Variants in TENM2 observed in about 807,000 individuals in gnomAD.
TENM2 encodes teneurin-2.
A neutral mutation model predicts 245.2 loss-of-function variants in TENM2; 52 were observed. The observed-to-expected ratio is 0.21, with a 90% CI of 0.17 to 0.27. The LOEUF (loss-of-function observed/expected upper bound fraction) is 0.27, where lower values mean the gene tolerates loss of function less well. Ranked by LOEUF, TENM2 falls within the 10% of genes least tolerant of loss-of-function variation. The pLI, the probability that TENM2 is intolerant of heterozygous loss-of-function variation, is 1.00. For synonymous variants in TENM2, 1,363 were observed against 1,438.9 expected (o/e 0.95, Z 1.19); for missense variants, 3,046 against 3,666.8 (o/e 0.83, Z 4.37).
intron 1 of TENM2, among the ~76,000 whole-genome samples, chr5:167,321,781 G>GTTTTTTT (rs1554133753): frequency 7.7e-5 from 3 of 38,720 alleles, no homozygotes; most frequent in Non-Finnish European, 1.5e-4. Context: ...TGCTGCCTTG[G>GTTTTTTT]CTTATTTTTT....
At chr5:167,117,274 C>T in the TENM2 span, among the ~76,000 whole-genome samples, 21 of 152,258 alleles carry the variant, frequency 1.4e-4, no homozygotes, top group Middle Eastern at 0.017. Context: ...GAGGCCCAGG[C>T]GGGTGGATCA....
At chr5:167,523,876 T>C (rs1329713028) in intron 2 of TENM2, among the ~76,000 whole-genome samples, 1 of 152,164 alleles carries the variant, frequency 6.6e-6, no homozygotes, top group Non-Finnish European at 1.5e-5. Flanking sequence ...ATATTGCCTA[T>C]GTTTCTGTGC....
chr5:167,353,374 G>T (rs1180649093), intron 1 of TENM2, among the ~76,000 whole-genome samples: 4 of 151,660 alleles, frequency 2.6e-5, no homozygotes, highest in Non-Finnish European at 5.9e-5. Context: ...AAACCTGGTA[G>T]AAAGCAGACA....
At chr5:167,451,270 G>A (rs1023450825) in intron 2 of TENM2, among the ~76,000 whole-genome samples, 4 of 152,118 alleles carry the variant, frequency 2.6e-5, no homozygotes, top group Admixed American at 2.6e-4. Flanking sequence ...AGATTACTCA[G>A]AAGGAGCCTG....
the TENM2 span, among the ~76,000 whole-genome samples, chr5:167,185,933 C>G: frequency 6.6e-6 from 1 of 152,162 alleles, no homozygotes; most frequent in South Asian, 2.1e-4. Flanking sequence ...TCCCACCAAA[C>G]CACACTGACT....
chr5:167,495,725 A>C (rs1353697759), intron 2 of TENM2, among the ~76,000 whole-genome samples: 1 of 152,078 alleles, frequency 6.6e-6, no homozygotes, highest in Non-Finnish European at 1.5e-5. Context: ...GGTTAATTTT[A>C]ATTAGCGTTC....
intron 5 of TENM2, among the ~76,000 whole-genome samples, chr5:168,034,123 A>ATATATACATGTATACATATATATGTG (rs1787420644): frequency 1.4e-5 from 1 of 73,734 alleles, no homozygotes; most frequent in African/African-American, 5.9e-5. Flanking sequence ...ATATATGTGT[A>ATATATACATGTATACATATATATGTG]TATATATATA....
intron 2 of TENM2, among the ~76,000 whole-genome samples, chr5:167,509,241 T>C (rs1437457152): frequency 1.3e-5 from 2 of 152,238 alleles, no homozygotes; most frequent in African/African-American, 2.4e-5. Flanking sequence ...CTCCATTGAC[T>C]GTAGACTAAT....
chr5:167,949,500 T>C (rs75171016), intron 3 of TENM2, among the ~76,000 whole-genome samples: 1,540 of 152,218 alleles, frequency 0.01, 31 homozygotes, highest in African/African-American at 0.035. Context: ...AAAGAACCCA[T>C]CACTGTTCTC....
the TENM2 span, among the ~76,000 whole-genome samples, chr5:167,121,024 C>T: frequency 6.6e-6 from 1 of 151,864 alleles, no homozygotes; most frequent in Non-Finnish European, 1.5e-5. Context: ...CAAAATCAAA[C>T]AAACAAAACA....
chr5:167,872,308 AAGAAAG>A (rs1333772564), intron 2 of TENM2, among the ~76,000 whole-genome samples: 17 of 30,448 alleles, frequency 5.6e-4, no homozygotes, highest in African/African-American at 1.4e-3. Context: ...GAAAGAAAGA[AAGAAAG>A]AAAGAAAGAA....
intron 1 of TENM2, among the ~76,000 whole-genome samples, chr5:167,322,805 A>G (rs1190063131): frequency 6.6e-6 from 1 of 152,240 alleles, no homozygotes; most frequent in African/African-American, 2.4e-5. Context: ...CACTGACTTC[A>G]AAACTATAGT....
chr5:168,116,651 A>G (rs1795103831), intron 9 of TENM2, among the ~76,000 whole-genome samples: 1 of 152,226 alleles, frequency 6.6e-6, no homozygotes, highest in African/African-American at 2.4e-5. Flanking sequence ...ATCAACAATG[A>G]TAAACATAGT....
At chr5:167,924,699 G>A (rs906216599) in intron 3 of TENM2, among the ~76,000 whole-genome samples, 7 of 152,162 alleles carry the variant, frequency 4.6e-5, no homozygotes, top group African/African-American at 1.2e-4. Context: ...GAGATTGCAC[G>A]TCTTGTCTAA....
At chr5:168,093,691 C>T (rs1793138816) in intron 8 of TENM2, among the ~76,000 whole-genome samples, 1 of 152,200 alleles carries the variant, frequency 6.6e-6, no homozygotes, top group Non-Finnish European at 1.5e-5. Context: ...CCAGCCTCCA[C>T]TTGGATAAAA....
intron 2 of TENM2, among the ~76,000 whole-genome samples, chr5:167,669,775 G>T (rs185305800): frequency 5.3e-5 from 8 of 152,060 alleles, no homozygotes; most frequent in Non-Finnish European, 7.4e-5. Flanking sequence ...GGTTTAAAGT[G>T]TAGCTTTCTT....
At chr5:168,098,204 C>A in intron 9 of TENM2, 77 bp downstream of exon 11, 1 of 995,110 alleles carries the variant, frequency 1.0e-6, no homozygotes, top group South Asian at 1.4e-5. Context: ...ACAGAAGGGA[C>A]ATCCAAGTAG....
At position 167,513,767 on chromosome 5, in the gene TENM2, A is replaced by G. The variant is rs1770129708; in HGVS notation, c.502+138294A>G. On this transcript the variant is annotated intron_variant, in intron 2 of 28. Coordinates refer to ENST00000518659, the Ensembl canonical transcript of TENM2. Reference sequence around the variant, plus strand: ...CCTGTTTCTCAAAATACCTCACCCTAGACATCGAGGAGCCACTTCTATGGA... The same window carrying G: ...CCTGTTTCTCAAAATACCTCACCCTGGACATCGAGGAGCCACTTCTATGGA... 2.6e-5 allele frequency among the ~76,000 whole-genome samples: 4 copies of G among 152,176 alleles called. No homozygotes were observed. In the South Asian group the frequency reaches 8.3e-4, roughly 32 times the overall value.
intron 20 of TENM2, 129 bp downstream of exon 22, chr5:168,211,883 T>C (rs551264609): frequency 3.5e-6 from 2 of 563,886 alleles, no homozygotes; most frequent in South Asian, 4.9e-5. Flanking sequence ...AACTTTTTTA[T>C]GTGCTAATTG....
Sources: allele counts gnomAD v4.1 joint callset (sites outside exome capture counted in the v4.1 genomes callset), GRCh38; gene constraint gnomAD v4.1.1; transcripts MANE v1.5; gene names NCBI Gene and HGNC (gene_info 2026-07-23, HGNC 2026-07-21).